Variants in HNF4A observed in about 807,000 individuals in gnomAD.
HNF4A encodes hepatocyte nuclear factor 4-alpha.
Under a neutral mutation model 52.4 loss-of-function variants are expected in HNF4A, and 15 were observed. The observed-to-expected ratio is 0.29, with a 90% CI of 0.19 to 0.44. The LOEUF is 0.44. HNF4A is among the 20% of genes least tolerant of loss of function. The probability of loss-of-function intolerance (pLI) is 1.00; values close to 1 mark genes in which losing one functional copy is unlikely to be tolerated. For missense variants in HNF4A, 479 were observed against 647.2 expected (o/e 0.74, Z 2.82); for synonymous variants, 280 against 264.4 (o/e 1.06, Z -0.57).
At chr20:44,375,931 T>A (rs1197322304) in intron 1 of HNF4A, among the ~76,000 whole-genome samples, 1 of 152,172 alleles carries the variant, frequency 6.6e-6, no homozygotes, top group African/African-American at 2.4e-5. Flanking sequence ...ATCTTAGATA[T>A]ACTCCTAGTT....
upstream of HNF4A, among the ~76,000 whole-genome samples, chr20:44,400,561 G>A (rs772466002): frequency 6.6e-6 from 1 of 152,134 alleles, no homozygotes; most frequent in African/African-American, 2.4e-5. Context: ...GAGGGGGTGG[G>A]GGTGAGGGAA....
At chr20:44,383,549 C>CT (rs538493291) in intron 1 of HNF4A, among the ~76,000 whole-genome samples, 21,316 of 137,406 alleles carry the variant, frequency 0.16, 2,133 homozygotes, top group East Asian at 0.37. Flanking sequence ...TTGGGGACCT[C>CT]TTTTTTTTTT....
Position 44,370,119 on chromosome 20 carries a change from C to T in HNF4A, c.49+14266C>T, listed in dbSNP as rs6031556. Among the ~76,000 whole-genome samples, 1,493 of 152,244 alleles carry T rather than the reference C, an allele frequency of 9.8e-3. 26 individuals are homozygous for T. Among genetic ancestry groups the T allele is most frequent in the African/African-American group, 0.034 (1,401 of 41,536 alleles). On this transcript the variant is annotated intron_variant, in intron 1 of 9. Transcript: ENST00000316673. ...TCGGCTCACTGCAAGCTCCGCCTCC[C>T]GGGTTCACGCCATTCTCCCGCCTCA...
intron 1 of HNF4A, among the ~76,000 whole-genome samples, chr20:44,362,626 C>T (rs1030681112): frequency 5.3e-5 from 8 of 152,010 alleles, no homozygotes; most frequent in African/African-American, 1.9e-4. Context: ...AATAACCCAT[C>T]CAAGTAGGAA....
At chr20:44,401,649 C>T (rs1355988515) in intron 1 of HNF4A, 2 of 444,086 alleles carry the variant, frequency 4.5e-6, no homozygotes, top group Non-Finnish European at 6.0e-6. Context: ...AGCCCATGTG[C>T]CCAGGCACAG....
chr20:44,356,429 G>A (rs1336215234), intron 1 of HNF4A, among the ~76,000 whole-genome samples: 1 of 152,198 alleles, frequency 6.6e-6, no homozygotes, highest in Non-Finnish European at 1.5e-5. Context: ...GAGAGTGAAA[G>A]GCTCAGGCTC....
intron 1 of HNF4A, 131 bp from the exon 2 acceptor site, chr20:44,405,927 G>A: frequency 1.2e-6 from 1 of 842,130 alleles, no homozygotes; most frequent in East Asian, 2.4e-5. Context: ...CACTGAGTGG[G>A]GAGGTGATGG....
chr20:44,412,269 TAA>T (rs2063595518), intron 3 of HNF4A, among the ~76,000 whole-genome samples: 1 of 152,020 alleles, frequency 6.6e-6, no homozygotes, highest in South Asian at 2.1e-4. Flanking sequence ...AATTCTACAA[TAA>T]GTGACTTGAA....
At chr20:44,358,772 G>A (rs538261869) in intron 1 of HNF4A, among the ~76,000 whole-genome samples, 8 of 152,316 alleles carry the variant, frequency 5.3e-5, no homozygotes, top group Non-Finnish European at 1.0e-4. Context: ...TAGAGGCAGA[G>A]GAAGACATGG....
intron 1 of HNF4A, among the ~76,000 whole-genome samples, chr20:44,361,933 C>A (rs1023460292): frequency 2.6e-5 from 4 of 152,040 alleles, no homozygotes; most frequent in African/African-American, 7.2e-5. Flanking sequence ...CAGGAGTCAG[C>A]CGGGAGAAGA....
intron 1 of HNF4A, among the ~76,000 whole-genome samples, chr20:44,405,066 G>A (rs1188431019): frequency 6.0e-5 from 7 of 116,998 alleles, no homozygotes; most frequent in African/African-American, 1.3e-4. Context: ...TGTGTGGTGC[G>A]TGTGTGTGGA....
intron 2 of HNF4A, among the ~76,000 whole-genome samples, chr20:44,406,833 T>A (rs949975182): frequency 2.6e-5 from 4 of 152,256 alleles, no homozygotes; most frequent in African/African-American, 9.6e-5. Context: ...TTACTGTTGT[T>A]ATTCCCATTT....
At chr20:44,411,716 T>C (rs1008381583) in intron 3 of HNF4A, among the ~76,000 whole-genome samples, 5 of 152,204 alleles carry the variant, frequency 3.3e-5, no homozygotes, top group African/African-American at 9.7e-5. Context: ...CAAGAGAAAG[T>C]TGAATAGCTG....
In HNF4A at chr20:44,371,048, T is replaced by G. The variant is rs554132663; in HGVS notation, c.49+15195T>G. Reference sequence around the variant, plus strand: ...GAGACAGGGAGAGAGCAGGCGGCCCTGCCCTGGGCAGAGCCAGAGAAACTG... The same window carrying G: ...GAGACAGGGAGAGAGCAGGCGGCCCGGCCCTGGGCAGAGCCAGAGAAACTG... On this transcript the variant is annotated intron_variant, in intron 1 of 9. Transcript: ENST00000316673. Among the ~76,000 whole-genome samples, 241 of 152,314 alleles carry G rather than the reference T, an allele frequency of 1.6e-3. 1 individual carries two copies. Among genetic ancestry groups the G allele is most frequent in the African/African-American group, 5.3e-3 (222 of 41,568 alleles).
intron 1 of HNF4A, among the ~76,000 whole-genome samples, chr20:44,369,411 T>C (rs756018812): frequency 1.2e-4 from 18 of 151,638 alleles, no homozygotes; most frequent in African/African-American, 3.9e-4. Flanking sequence ...GCTTGGATGA[T>C]AGACTGAGAC....
At chr20:44,423,030 G>T (rs147914417) in intron 7 of HNF4A, among the ~76,000 whole-genome samples, 2 of 152,260 alleles carry the variant, frequency 1.3e-5, no homozygotes, top group East Asian at 3.9e-4. Context: ...GTTTGAAAAG[G>T]CAAAGGCCGG....
intron 1 of HNF4A, among the ~76,000 whole-genome samples, chr20:44,370,904 C>T (rs1189015380): frequency 6.6e-6 from 1 of 152,196 alleles, no homozygotes; most frequent in East Asian, 1.9e-4. Flanking sequence ...CGCCAAACTG[C>T]CAACGCCTCT....
intron 7 of HNF4A, among the ~76,000 whole-genome samples, chr20:44,420,644 AGTG>A (rs1252620611): frequency 1.3e-5 from 2 of 151,922 alleles, no homozygotes; most frequent in African/African-American, 4.8e-5. Context: ...AGCCAGGGAT[AGTG>A]GTGAGCACCT....
intron 1 of HNF4A, among the ~76,000 whole-genome samples, chr20:44,389,238 C>T (rs2063272530): frequency 1.3e-5 from 2 of 152,254 alleles, no homozygotes; most frequent in Non-Finnish European, 1.5e-5. Context: ...CTTCACTGCA[C>T]TTAACCACTG....
Sources: allele counts gnomAD v4.1 joint callset (sites outside exome capture counted in the v4.1 genomes callset), GRCh38; gene constraint gnomAD v4.1.1; transcripts MANE v1.5; gene names NCBI Gene and HGNC (gene_info 2026-07-23, HGNC 2026-07-21).